The following UAP1L1 variants were observed in gnomAD, a reference collection of about 807,000 sequenced individuals.
UAP1L1 encodes UDP-N-acetylhexosamine pyrophosphorylase-like protein 1.
In UAP1L1, 45 loss-of-function variants were observed where a neutral mutation model predicts 45.3. The ratio of observed to expected loss-of-function variants is 0.99; its 90% CI spans 0.78 to 1.27. UAP1L1 has a LOEUF of 1.27. Among genes scored for constraint, UAP1L1 ranks in the 50% most tolerant of loss-of-function variants. The pLI, the probability that UAP1L1 is intolerant of heterozygous loss-of-function variation, is 0.00. For missense variants in UAP1L1, 667 were observed against 694.0 expected (o/e 0.96, Z 0.44); for synonymous variants, 323 against 303.9 (o/e 1.06, Z -0.65).
chr9:137,082,652 C>A lies in UAP1L1; in HGVS notation c.1447C>A (p.Leu483Met). ...TCGTCTCCAGGGTTTAGAAGTGTAC[C>A]TGCAAGGCCGGGAGTTCCAGTCCCC... ...SYSGEGLEVY[L>M]QGREFQSPLI... The change falls in exon 9 of 9, where the codon CTG becomes ATG. Residue 483 changes from leucine (L) to methionine (M), a missense_variant. Transcript: ENST00000409858. This position sits in a 1 kb window ranked among gnomAD's most constrained non-coding sequence, Gnocchi z 5.7. 6.4e-7 allele frequency: 1 copy of A among 1,552,182 alleles called. No individual in the cohort carries two copies. The highest frequency in any genetic ancestry group is 1.4e-5 in the African/African-American group (1 of 73,162).
chr9:137,080,597 T>G, intron 6 of UAP1L1, 92 bp from the exon 7 acceptor site: 1 of 1,310,986 alleles, frequency 7.6e-7, no homozygotes, highest in Non-Finnish European at 1.1e-6. Flanking sequence ...GACCAGACCT[T>G]CACTCTGTCA....
rs985997414 is a variant in UAP1L1 at position 137,078,982 on chromosome 9, A to C, written c.677A>C (p.Asn226Thr). Residue 226 changes from asparagine (N) to threonine (T), a missense_variant, in exon 4 of 9, where the codon AAC (asparagine) becomes ACC (threonine). Coordinates refer to ENST00000409858, the MANE Select transcript of UAP1L1 (RefSeq NM_207309.3). ...KDKVAMAPDG[N>T]GGLYCALEDH... ...TTCCCTTCTCCGTCTGCAGACGGCA[A>C]CGGGGGCCTCTACTGCGCGCTGGAG... 6.3e-7 allele frequency: 1 copy of C among 1,587,346 alleles called. No homozygotes were observed. The highest frequency in any genetic ancestry group is 8.5e-7 in the Non-Finnish European group (1 of 1,172,430).
In UAP1L1 at chr9:137,077,717, GC is replaced by G. The variant is rs2131539234; in HGVS notation, c.188del (p.Pro63ArgfsTer41). On this transcript the variant is annotated frameshift_variant, in exon 1 of 9. Transcript: ENST00000409858. LOFTEE classifies it high-confidence loss of function. The surrounding 1 kb of genome is among the most constrained non-coding windows in gnomAD (Gnocchi z 4.7). The stretch of plus-strand genomic sequence containing the variant: ...GCGGAGGCCTGCGCGCGCCCCCACG[GC>G]CCGCCGCCCGACTTGGCCGCGCGCC... The part of the protein sequence containing the change: ...RAAEACARPH[G>X]PPPDLAARLR... 1 of 1,161,710 alleles carries G rather than the reference GC, an allele frequency of 8.6e-7. No individual in the cohort carries two copies. The highest frequency in any genetic ancestry group is 1.1e-6 in the Non-Finnish European group (1 of 943,626). 72.0% of individuals were successfully genotyped at this position (1,161,710 alleles called of 1,614,324 possible).
In UAP1L1 at chr9:137,077,561, G is replaced by A. The variant is rs772208245; in HGVS notation, c.29G>A (p.Arg10Gln). MASEQDVRA[R>Q]LQRAGQEHLL... ...GCTTCGGAGCAGGACGTGCGCGCCC[G>A]GCTGCAGCGCGCTGGCCAGGAGCAC... Residue 10 changes from arginine to glutamine, a missense_variant, in exon 1 of 9, where the codon CGG (arginine) becomes CAG (glutamine). Arg to Gln is a conservative substitution (Grantham distance 43). Transcript: ENST00000409858. This position sits in a 1 kb window ranked among gnomAD's most constrained non-coding sequence, Gnocchi z 4.7. The A allele has an allele frequency of 9.9e-5, 138 of 1,394,488 alleles. 1 individual carries two copies. In the East Asian group the frequency reaches 3.9e-3, roughly 40 times the overall value. The allele number at this position is 1,394,488 out of a possible 1,614,324, so 86.4% of individuals were successfully genotyped here.
chr9:137,080,959 C>T (rs893932908), intron 7 of UAP1L1, 85 bp downstream of exon 7: 13 of 1,314,414 alleles, frequency 9.9e-6, no homozygotes, highest in African/African-American at 7.4e-5. Context: ...GTTGGCTCTG[C>T]GACAGCCATG....
At chr9:137,080,923 G>A (rs1832779484) in intron 7 of UAP1L1, 49 bp downstream of exon 7, 2 of 1,479,552 alleles carry the variant, frequency 1.4e-6, no homozygotes, top group East Asian at 4.8e-5. Context: ...GGGCTGTCAG[G>A]ACCCAATCTT....
intron 6 of UAP1L1, 166 bp from the exon 7 acceptor site, chr9:137,080,522 TG>T: frequency 1.5e-6 from 1 of 684,632 alleles, no homozygotes; most frequent in Non-Finnish European, 2.4e-6. Context: ...GGGCCATCCC[TG>T]GCGTCTCAGG....
In UAP1L1 at chr9:137,081,613, C is replaced by A. The variant is rs78441444; in HGVS notation, c.1365-385C>A. Among the ~76,000 whole-genome samples the A allele has an allele frequency of 3.1e-3, 466 of 152,208 alleles. 2 individuals are homozygous for A. The highest frequency in any genetic ancestry group is 0.011 in the African/African-American group (448 of 41,528). ...TTTAGGGGATCCATCACCCAACCAA[C>A]GTTGTTCCCATTTATTCACAGGCTT... On this transcript the variant is annotated intron_variant, in intron 7 of 8. Transcript: ENST00000409858.
chr9:137,079,157 C>G lies in UAP1L1; in HGVS notation c.843+9C>G, dbSNP rs1378493439. 1 of 1,606,430 alleles carries G rather than the reference C, an allele frequency of 6.2e-7. No homozygotes were observed. Among genetic ancestry groups the G allele is most frequent in the African/African-American group, 1.3e-5 (1 of 74,804 alleles). On this transcript the variant is annotated intron_variant, in intron 4 of 8. Transcript: ENST00000409858. ...CAGACTGTGGCGCCAAGGTTAGCGC[C>G]CGACTGCGCGGCGCCCCGCACCCGA...
rs753778796 is a variant in UAP1L1 at position 137,079,302 on chromosome 9, A to G, written c.890A>G (p.Gln297Arg). The change falls in exon 5 of 9, where the codon CAG becomes CGG. Residue 297 changes from glutamine to arginine, a missense_variant. By Grantham distance (43) the Gln-to-Arg change is conservative. Coordinates refer to ENST00000409858, the MANE Select transcript of UAP1L1 (RefSeq NM_207309.3). ...GAGGAGCCCGTGGGCGTGGTGTGCC[A>G]GGTGGACGGTGTCCCCCAGGTGGTG... ...YPEEPVGVVC[Q>R]VDGVPQVVEY... 1.9e-6 allele frequency: 3 copies of G among 1,612,812 alleles called. No individual in the cohort carries two copies. Among genetic ancestry groups the G allele is most frequent in the Non-Finnish European group, 2.5e-6 (3 of 1,179,630 alleles).
chr9:137,079,382 C>T lies in UAP1L1; in HGVS notation c.970C>T (p.Leu324=). The change falls in exon 5 of 9, where the codon CTG becomes TTG. Residue 324 remains leucine (L), a synonymous_variant. Transcript: ENST00000409858. ...ACAGCTACGTGCCTCCGACGGGAGC[C>T]TGCTGTACAATGCAGGCAACATCTG... ...TAQLRASDGS[L]LYNAGNICNH... 1 of 1,612,472 alleles carries T rather than the reference C, an allele frequency of 6.2e-7. No individual in the cohort carries two copies. The highest frequency in any genetic ancestry group is 8.5e-7 in the Non-Finnish European group (1 of 1,179,406).
chr9:137,081,862 G>A, intron 7 of UAP1L1, 136 bp from the exon 8 acceptor site: 1 of 845,918 alleles, frequency 1.2e-6, no homozygotes, highest in Admixed American at 1.8e-5. Flanking sequence ...GGTGTCCAGA[G>A]GAAGATGAGC....
Position 137,082,001 on chromosome 9 carries a change from GC to G in UAP1L1, c.1373del (p.Pro458GlnfsTer22), listed in dbSNP as rs1832794380. ...GAWLPELPSL[P>X]PNGDPPAICE... ...TTGACAAGTGGACTTTCCCTAGCTT[GC>G]CCCCAAATGGAGACCCTCCGGCCAT... On this transcript the variant is annotated frameshift_variant, in exon 8 of 9. Coordinates refer to ENST00000409858, the MANE Select transcript of UAP1L1 (RefSeq NM_207309.3). LOFTEE classifies it high-confidence loss of function. This position sits in a 1 kb window ranked among gnomAD's most constrained non-coding sequence, Gnocchi z 5.7. 6 of 1,614,026 alleles carry G rather than the reference GC, an allele frequency of 3.7e-6. No homozygotes were observed. Among genetic ancestry groups the G allele is most frequent in the Non-Finnish European group, 5.1e-6 (6 of 1,179,980 alleles).
chr9:137,078,234 G>A lies in UAP1L1; in HGVS notation c.474G>A (p.Gly158=), dbSNP rs1433396022. ...AGCAGCTGGCCGGTGAGCGCCACGG[G>A]ACCCGCTGCACCGTCCCCTGGTGTG... The part of the protein sequence containing the change: ...RVEQLAGERH[G]TRCTVPWYVM... The change falls in exon 2 of 9, where the codon GGG becomes GGA. Residue 158 remains glycine (G), a synonymous_variant. Coordinates refer to ENST00000409858, the MANE Select transcript of UAP1L1 (RefSeq NM_207309.3). 6.5e-7 allele frequency: 1 copy of A among 1,546,204 alleles called. No individual in the cohort carries two copies. The highest frequency in any genetic ancestry group is 8.7e-7 in the Non-Finnish European group (1 of 1,145,964).
In UAP1L1 at chr9:137,077,648, CGCT is replaced by C. The variant is rs1206573592; in HGVS notation, c.121_123del (p.Leu41del). On this transcript the variant is annotated inframe_deletion, in exon 1 of 9. Coordinates refer to ENST00000409858, the MANE Select transcript of UAP1L1 (RefSeq NM_207309.3). The surrounding 1 kb of genome is among the most constrained non-coding windows in gnomAD (Gnocchi z 4.7). ...CGAGCCGCGCTGCTGGCGGAGCTGG[CGCT>C]GCTGGAGCCCGAGGCGCTGCGCGAG... is the stretch of plus-strand genomic sequence containing the variant. 5.4e-6 allele frequency: 7 copies of C among 1,302,554 alleles called. No individual in the cohort carries two copies. The highest frequency in any genetic ancestry group is 5.9e-6 in the Non-Finnish European group (6 of 1,012,718). 80.7% of individuals were successfully genotyped at this position (1,302,554 alleles called of 1,614,324 possible).
chr9:137,083,863 A>AGGG lies in UAP1L1; in HGVS notation c.*1135_*1137dup, dbSNP rs1357034193. 3 of 152,234 alleles carry AGGG rather than the reference A, an allele frequency of 2.0e-5. No individual in the cohort carries two copies. Among genetic ancestry groups the AGGG allele is most frequent in the African/African-American group, 7.2e-5 (3 of 41,430 alleles). The allele number at this position is 152,234 out of a possible 1,614,324, so 9.4% of individuals were successfully genotyped here. ...CCTCGAAACCCACAGTCCCCAGTGG[A>AGGG]GGGCCACTACTCATCCCCATTGGTT... On this transcript the variant is annotated 3_prime_UTR_variant, in exon 9 of 9. Transcript: ENST00000409858.
In UAP1L1 at chr9:137,080,832, G is replaced by A. The variant is rs756995434; in HGVS notation, c.1322G>A (p.Arg441His). Residue 441 changes from arginine to histidine, a missense_variant, in exon 7 of 9, where the codon CGC becomes CAC. Arg to His is a conservative substitution (Grantham distance 29). Coordinates refer to ENST00000409858, the MANE Select transcript of UAP1L1 (RefSeq NM_207309.3). ...HYRWALRAGA[R>H]FLDAHGAWLP... ...CGGTGGGCTCTGCGGGCCGGGGCCC[G>A]CTTCCTGGATGCCCATGGGGCCTGG... is the stretch of plus-strand genomic sequence containing the variant. The A allele has an allele frequency of 1.3e-5, 21 of 1,607,550 alleles. No individual in the cohort carries two copies. Among genetic ancestry groups the A allele is most frequent in the Non-Finnish European group, 1.7e-5 (20 of 1,179,068 alleles).
At position 137,078,035 on chromosome 9, in the gene UAP1L1, C is replaced by T; in HGVS notation, c.290-15C>T. 3 of 1,546,384 alleles carry T rather than the reference C, an allele frequency of 1.9e-6. No individual in the cohort carries two copies. The highest frequency in any genetic ancestry group is 1.2e-5 in the South Asian group (1 of 84,026). On this transcript the variant is annotated splice_polypyrimidine_tract_variant and intron_variant, in intron 1 of 8. Coordinates refer to ENST00000409858, the MANE Select transcript of UAP1L1 (RefSeq NM_207309.3). ...GCGGGTCCCGGGCGTCCCTTCACGG[C>T]GCCCGTACCCCCAGGTTTCCGTCAG...
In UAP1L1 at chr9:137,080,007, TTGAGC is replaced by T; in HGVS notation, c.1044_1048del (p.Glu349PhefsTer16). 1 of 1,613,616 alleles carries T rather than the reference TTGAGC, an allele frequency of 6.2e-7. No homozygotes were observed. The highest frequency in any genetic ancestry group is 8.5e-7 in the Non-Finnish European group (1 of 1,179,922). ...TCTGCTCTCCCGTGCCCCAGGGAGT[TTGAGC>T]CTTTGCTGAAGCCACACGTGGCTGT... On this transcript the variant is annotated frameshift_variant, in exon 6 of 9. Coordinates refer to ENST00000409858, the MANE Select transcript of UAP1L1 (RefSeq NM_207309.3). LOFTEE classifies it high-confidence loss of function.
Sources: allele counts gnomAD v4.1 joint callset (sites outside exome capture counted in the v4.1 genomes callset), GRCh38; gene constraint gnomAD v4.1.1; non-coding constraint Gnocchi (gnomAD v3.1); transcripts MANE v1.5; gene names NCBI Gene and HGNC (gene_info 2026-07-23, HGNC 2026-07-21).